The following UGT1A6 variants were observed in gnomAD, a reference collection of about 807,000 sequenced individuals.
UGT1A6 encodes UDP glucuronosyltransferase family 1 member A6.
A neutral mutation model predicts 44.4 loss-of-function variants in UGT1A6; 32 were observed. The ratio of observed to expected loss-of-function variants is 0.72; its 90% CI spans 0.54 to 0.97. The LOEUF (loss-of-function observed/expected upper bound fraction) is 0.97, where lower values mean the gene tolerates loss of function less well. Ranked by LOEUF, UGT1A6 falls within the 50% of genes least tolerant of loss-of-function variation. The pLI, the probability that UGT1A6 is intolerant of heterozygous loss-of-function variation, is 0.00. For synonymous variants in UGT1A6, 238 were observed against 248.5 expected, an observed-to-expected ratio of 0.96 and a Z score of 0.40; for missense variants, 685 against 661.9, an observed-to-expected ratio of 1.03 and a Z score of -0.38.
rs1425669197 is a variant in UGT1A6 at position 233,693,475 on chromosome 2, G to A, written c.471G>A (p.Val157=). The A allele has an allele frequency of 6.8e-6, 11 of 1,614,046 alleles. No individual in the cohort carries two copies. The Admixed American group carries it at 1.0e-4, about 15-fold the overall frequency. Residue 157 remains valine, a synonymous_variant, in exon 1 of 5, where the codon GTG becomes GTA. Coordinates refer to ENST00000305139, the MANE Select transcript of UGT1A6 (RefSeq NM_001072.4). ...LFTDPALPCG[V]ILAEYLGLPS... is the part of the protein sequence containing the mutation. ...CAGACCCAGCCTTACCCTGTGGGGTGATCCTGGCTGAGTATTTGGGCCTAC... is the reference window on the plus strand; with the variant it reads ...CAGACCCAGCCTTACCCTGTGGGGTAATCCTGGCTGAGTATTTGGGCCTAC...
chr2:233,747,268 C>T lies in UGT1A6; in HGVS notation c.862-19766C>T, dbSNP rs567491863. On this transcript the variant is annotated intron_variant, in intron 1 of 4. Coordinates refer to ENST00000305139, the MANE Select transcript of UGT1A6 (RefSeq NM_001072.4). ...GTGGCTGGCCACAGGAGTGCTACTC[C>T]TTCTCAGTGCCCAGCCCTGGGCTGA... 3.1e-6 allele frequency: 5 copies of T among 1,599,420 alleles called. No individual in the cohort carries two copies. In the African/African-American group the frequency reaches 4.0e-5, roughly 13 times the overall value.
At position 233,693,631 on chromosome 2, in the gene UGT1A6, G is replaced by T. The variant is rs17863783; in HGVS notation, c.627G>T (p.Val209=). The T allele has an allele frequency of 0.029, 47,294 of 1,614,074 alleles. 1,195 individuals are homozygous for T. Among genetic ancestry groups the T allele is most frequent in the African/African-American group, 0.12 (8,744 of 74,988 alleles). ...FSDHMTFSQR[V]ANFLVNLLEP... is the part of the protein sequence containing the mutation. The stretch of plus-strand genomic sequence containing the variant: ...ACCACATGACTTTTTCCCAACGAGT[G>T]GCCAACTTCCTTGTTAATTTGTTGG... Residue 209 remains valine, a synonymous_variant, in exon 1 of 5, where the codon GTG becomes GTT. Coordinates refer to ENST00000305139, the MANE Select transcript of UGT1A6 (RefSeq NM_001072.4).
chr2:233,738,561 A>C lies in UGT1A6; in HGVS notation c.862-28473A>C, dbSNP rs200356617. 8.5e-5 allele frequency among the ~76,000 whole-genome samples: 13 copies of C among 152,332 alleles called. No homozygotes were observed. In the East Asian group the frequency reaches 2.5e-3, roughly 29 times the overall value. ...GCTGAGTCTCAGATAGAGATGAGGA[A>C]TCTGTTGAGAACTGGAGCAAAGGTC... On this transcript the variant is annotated intron_variant, in intron 1 of 4. Transcript: ENST00000305139.
At chr2:233,737,627 C>T (rs979960494) in intron 1 of UGT1A6, among the ~76,000 whole-genome samples, 1 of 152,190 alleles carries the variant, frequency 6.6e-6, no homozygotes, top group African/African-American at 2.4e-5. Flanking sequence ...AGAAATCATC[C>T]ATCTTCTGCG....
chr2:233,764,019 G>A (rs970114557), intron 1 of UGT1A6, among the ~76,000 whole-genome samples: 1 of 152,200 alleles, frequency 6.6e-6, no homozygotes, highest in Non-Finnish European at 1.5e-5. Context: ...CCCACATGGT[G>A]TCTAAGTGCT....
At chr2:233,748,210 C>T in intron 1 of UGT1A6, 1 of 1,497,674 alleles carries the variant, frequency 6.7e-7, no homozygotes, top group Non-Finnish European at 9.0e-7. Flanking sequence ...TAATAGCCTT[C>T]AGTGAGATAA....
At chr2:233,694,740 G>A (rs565003926) in intron 1 of UGT1A6, among the ~76,000 whole-genome samples, 1 of 152,202 alleles carries the variant, frequency 6.6e-6, no homozygotes, top group South Asian at 2.1e-4. Context: ...AATTTGAACA[G>A]TTGGCAGTAG....
intron 1 of UGT1A6, among the ~76,000 whole-genome samples, chr2:233,738,560 A>T (rs943884340): frequency 6.6e-6 from 1 of 152,198 alleles, no homozygotes; most frequent in Non-Finnish European, 1.5e-5. Flanking sequence ...AGAGATGAGG[A>T]ATCTGTTGAG....
At chr2:233,725,342 A>G (rs1368487533) in intron 1 of UGT1A6, among the ~76,000 whole-genome samples, 1 of 138,706 alleles carries the variant, frequency 7.2e-6, no homozygotes, top group Non-Finnish European at 1.6e-5. Flanking sequence ...CTTAAGTCCA[A>G]TAAGAATGTT....
chr2:233,761,777 C>T (rs1456855794), intron 1 of UGT1A6, among the ~76,000 whole-genome samples: 1 of 152,206 alleles, frequency 6.6e-6, no homozygotes, highest in Non-Finnish European at 1.5e-5. Context: ...TTCACATCCT[C>T]ATCGAAATCT....
Position 233,757,543 on chromosome 2 carries a change from T to TACATATAC in UGT1A6, c.862-9490_862-9489insCATATACA, listed in dbSNP as rs1320189051. ...AAATCTTGCCTGTAAGGAATATATA[T>TACATATAC]ATATATATATATATATATGTATATA... On this transcript the variant is annotated intron_variant, in intron 1 of 4. Transcript: ENST00000305139. Among the ~76,000 whole-genome samples, 305 of 117,198 alleles carry TACATATAC rather than the reference T, an allele frequency of 2.6e-3. 10 individuals are homozygous for TACATATAC. The highest frequency in any genetic ancestry group is 3.4e-3 in the Non-Finnish European group (191 of 55,852). The allele number at this position is 117,198 out of a possible 152,430, so 76.9% of individuals were successfully genotyped here.
Position 233,725,179 on chromosome 2 carries a change from GAGAGGCAGAGGCAGAGGC to G in UGT1A6, c.861+31338_861+31355del, listed in dbSNP as rs879478240. ...CTCTGCATGAGAGGGAGACCGTGGG[GAGAGGCAGAGGCAGAGGC>G]AGAGGCAGAGGCAGAGGCAGAGGAG... On this transcript the variant is annotated intron_variant, in intron 1 of 4. Coordinates refer to ENST00000305139, the MANE Select transcript of UGT1A6 (RefSeq NM_001072.4). 4.4e-5 allele frequency among the ~76,000 whole-genome samples: 3 copies of G among 67,606 alleles called. 1 individual carries two copies. The highest frequency in any genetic ancestry group is 1.5e-4 in the Admixed American group (1 of 6,876). The allele number at this position is 67,606 out of a possible 152,430, so 44.4% of individuals were successfully genotyped here.
chr2:233,729,976 A>T (rs201645683), intron 1 of UGT1A6: 1 of 1,614,046 alleles, frequency 6.2e-7, no homozygotes, highest in South Asian at 1.1e-5. Context: ...CTGTGCCAAC[A>T]GGAAGCCACT....
Position 233,693,926 on chromosome 2 carries a change from C to T in UGT1A6, c.861+61C>T, listed in dbSNP as rs2075188993. On this transcript the variant is annotated intron_variant, in intron 1 of 4. Transcript: ENST00000305139. ...CTTCCAGGCTCTGTCCTCCCTCACTCATTTGGCTCCTTGAGCCGACTGTCC... is the reference window on the plus strand; with the variant it reads ...CTTCCAGGCTCTGTCCTCCCTCACTTATTTGGCTCCTTGAGCCGACTGTCC... 3 of 1,609,026 alleles carry T rather than the reference C, an allele frequency of 1.9e-6. No individual in the cohort carries two copies. The Admixed American group carries it at 5.0e-5, about 27-fold the overall frequency.
chr2:233,695,956 G>A (rs2075315981), intron 1 of UGT1A6, among the ~76,000 whole-genome samples: 1 of 152,124 alleles, frequency 6.6e-6, no homozygotes, highest in African/African-American at 2.4e-5. Context: ...TACCAGCTGG[G>A]TGTCCTCTAA....
At chr2:233,734,182 A>C (rs1380375014) in intron 1 of UGT1A6, among the ~76,000 whole-genome samples, 2 of 152,146 alleles carry the variant, frequency 1.3e-5, no homozygotes, top group African/African-American at 4.8e-5. Context: ...TAGGCTATTA[A>C]TTATTGCCTC....
rs533644543 is a variant in UGT1A6 at position 233,772,493 on chromosome 2, T to C, written c.1533T>C (p.Tyr511=). 6.2e-7 allele frequency: 1 copy of C among 1,614,152 alleles called. No individual in the cohort carries two copies. The highest frequency in any genetic ancestry group is 2.2e-5 in the East Asian group (1 of 44,874). The change falls in exon 5 of 5, where the codon TAT becomes TAC. Residue 511 remains tyrosine (Y), a synonymous_variant. Transcript: ENST00000305139. Reference sequence around the variant, plus strand: ...TCATCACCTTTAAATGTTGTGCTTATGGCTACCGGAAATGCTTGGGGAAAA... The same window carrying C: ...TCATCACCTTTAAATGTTGTGCTTACGGCTACCGGAAATGCTTGGGGAAAA... The part of the protein sequence containing the change: ...VAFITFKCCA[Y]GYRKCLGKKG...
intron 1 of UGT1A6, among the ~76,000 whole-genome samples, chr2:233,739,458 G>A (rs183243418): frequency 1.3e-5 from 2 of 152,366 alleles, no homozygotes; most frequent in Non-Finnish European, 2.9e-5. Context: ...CAGGGTTGGA[G>A]CTGCCTGAGA....
At chr2:233,700,676 GTGATAATATATAAACTACAC>G (rs1157026955) in intron 1 of UGT1A6, among the ~76,000 whole-genome samples, 23 of 151,838 alleles carry the variant, frequency 1.5e-4, no homozygotes, top group Middle Eastern at 3.4e-3. Flanking sequence ...GCACAAATTC[GTGATAATATATAAACTACAC>G]TTTGAATGTT....
Sources: allele counts gnomAD v4.1 joint callset (sites outside exome capture counted in the v4.1 genomes callset), GRCh38; gene constraint gnomAD v4.1.1; transcripts MANE v1.5; gene names NCBI Gene and HGNC (gene_info 2026-07-23, HGNC 2026-07-21).